The following ZNF385B variants were observed in gnomAD, a reference collection of about 807,000 sequenced individuals.
ZNF385B encodes the protein zinc finger protein 385B, also known as zinc finger protein 533.
Under a neutral mutation model 39.2 loss-of-function variants are expected in ZNF385B, and 23 were observed. That is an observed-to-expected ratio of 0.59 (90% CI 0.42 to 0.83). The LOEUF is 0.83. Among genes scored for constraint, ZNF385B ranks in the 40% least tolerant of loss-of-function variants. ZNF385B has a pLI of 0.00. For missense variants in ZNF385B, 552 were observed against 598.9 expected, an observed-to-expected ratio of 0.92 and a Z score of 0.82; for synonymous variants, 205 against 222.6, an observed-to-expected ratio of 0.92 and a Z score of 0.70.
At chr2:179,626,164 C>A (rs1409248836) in intron 3 of ZNF385B, among the ~76,000 whole-genome samples, 1 of 152,038 alleles carries the variant, frequency 6.6e-6, no homozygotes, top group Non-Finnish European at 1.5e-5. Context: ...AAAACAGTAT[C>A]TTTTCTATGT....
intron 5 of ZNF385B, among the ~76,000 whole-genome samples, chr2:179,487,827 C>T (rs1400821731): frequency 5.3e-5 from 8 of 152,176 alleles, no homozygotes; most frequent in African/African-American, 1.4e-4. Flanking sequence ...TCGCCCAAAC[C>T]ACTACACTGA....
intron 9 of ZNF385B, among the ~76,000 whole-genome samples, chr2:179,444,587 ACTTGTC>A (rs1422068919): frequency 6.6e-6 from 1 of 152,228 alleles, no homozygotes; most frequent in Non-Finnish European, 1.5e-5. Flanking sequence ...CTTAGGCATC[ACTTGTC>A]CTTGTTCTTG....
At chr2:179,816,061 T>G (rs1410082483) in intron 1 of ZNF385B, among the ~76,000 whole-genome samples, 2 of 151,960 alleles carry the variant, frequency 1.3e-5, no homozygotes. Flanking sequence ...TCAGACTCAG[T>G]CAGAACTGCC....
rs78092935 is a variant in ZNF385B at position 179,677,402 on chromosome 2, A to G, written c.298+92101T>C. 8.3e-3 allele frequency among the ~76,000 whole-genome samples: 1,262 copies of G among 152,344 alleles called. 20 individuals are homozygous for G. Among genetic ancestry groups the G allele is most frequent in the African/African-American group, 0.029 (1,216 of 41,582 alleles). ...TTCCCAAACAACAGGAAGTGAAGTT[A>G]AAAGAATGATTCCAGAGAAAATAAT... On this transcript the variant is annotated intron_variant, in intron 3 of 9. Transcript: ENST00000410066.
At chr2:179,792,489 C>T (rs1383880077) in intron 1 of ZNF385B, among the ~76,000 whole-genome samples, 1 of 150,852 alleles carries the variant, frequency 6.6e-6, no homozygotes, top group Non-Finnish European at 1.5e-5. Context: ...ATTCTCCTGT[C>T]TCAGTCTCCT....
chr2:179,824,165 T>C (rs1458673216), intron 1 of ZNF385B, among the ~76,000 whole-genome samples: 5 of 152,164 alleles, frequency 3.3e-5, no homozygotes, highest in Admixed American at 1.3e-4. Flanking sequence ...AGCAGCTCTA[T>C]TGAAATGCTA....
intron 3 of ZNF385B, among the ~76,000 whole-genome samples, chr2:179,573,592 A>G (rs1685476942): frequency 6.6e-6 from 1 of 152,122 alleles, no homozygotes; most frequent in Admixed American, 6.5e-5. Flanking sequence ...GTCTTTTTAA[A>G]AATAAAAAAT....
intron 3 of ZNF385B, among the ~76,000 whole-genome samples, chr2:179,678,761 C>A (rs182392519): frequency 3.0e-4 from 46 of 152,316 alleles, no homozygotes; most frequent in African/African-American, 1.0e-3. Flanking sequence ...CTCTGCCATA[C>A]TCTCTGTTAT....
At chr2:179,678,014 GCT>G (rs1440081315) in intron 3 of ZNF385B, among the ~76,000 whole-genome samples, 1 of 151,998 alleles carries the variant, frequency 6.6e-6, no homozygotes, top group Non-Finnish European at 1.5e-5. Flanking sequence ...GATATAAATA[GCT>G]CTTTTTTTTT....
intron 3 of ZNF385B, among the ~76,000 whole-genome samples, chr2:179,691,098 T>C (rs1277395643): frequency 6.6e-6 from 1 of 152,168 alleles, no homozygotes; most frequent in East Asian, 1.9e-4. Context: ...TTGTTTTTTC[T>C]TTTTAGAAAT....
chr2:179,445,739 A>AAG lies in ZNF385B; in HGVS notation c.962-13_962-12dup. 6.3e-7 allele frequency: 1 copy of AAG among 1,589,340 alleles called. No individual in the cohort carries two copies. Among genetic ancestry groups the AAG allele is most frequent in the Non-Finnish European group, 8.5e-7 (1 of 1,171,292 alleles). On this transcript the variant is annotated splice_polypyrimidine_tract_variant and intron_variant, in intron 7 of 9. Coordinates refer to ENST00000410066, the MANE Select transcript of ZNF385B (RefSeq NM_152520.6). ...TCTTGTGTTTAGATCCTAAGACAGA[A>AAG]AGAGACACATATTAAATAGCTATCC... is the stretch of plus-strand genomic sequence containing the variant.
At chr2:179,790,634 G>T (rs556664077) in intron 1 of ZNF385B, among the ~76,000 whole-genome samples, 31 of 152,186 alleles carry the variant, frequency 2.0e-4, no homozygotes, top group African/African-American at 7.0e-4. Flanking sequence ...CTCCTACTAG[G>T]AACAGGAGAA....
rs143324861 is a variant in ZNF385B at position 179,444,446 on chromosome 2, C to T, written c.1242+430G>A. On this transcript the variant is annotated intron_variant, in intron 9 of 9. Coordinates refer to ENST00000410066, the MANE Select transcript of ZNF385B (RefSeq NM_152520.6). ...GAATGGAGAGAGCACACGATACAGA[C>T]ACCGCTTTACCTTCTCATGCCAAAT... is the stretch of plus-strand genomic sequence containing the variant. Among the ~76,000 whole-genome samples, 345 of 152,288 alleles carry T rather than the reference C, an allele frequency of 2.3e-3. 1 individual carries two copies. Among genetic ancestry groups the T allele is most frequent in the African/African-American group, 7.8e-3 (325 of 41,536 alleles).
chr2:179,545,057 G>T, intron 3 of ZNF385B, 88 bp from the exon 4 acceptor site: 1 of 1,539,802 alleles, frequency 6.5e-7, no homozygotes, highest in Non-Finnish European at 8.9e-7. Context: ...AGTCTGTTGA[G>T]CTGCAACTTG....
rs534173647 is a variant in ZNF385B at position 179,786,423 on chromosome 2, T to A, written c.-154-15751A>T. Among the ~76,000 whole-genome samples the A allele has an allele frequency of 9.3e-4, 141 of 152,290 alleles. 1 individual carries two copies. The highest frequency in any genetic ancestry group is 1.6e-3 in the Non-Finnish European group (106 of 68,008). ...TTTTCCACTTTTTCAATTATGAATA[T>A]CTTTCCATGCATTAAATATTCATGT... On this transcript the variant is annotated intron_variant, in intron 1 of 9. Transcript: ENST00000410066.
intron 3 of ZNF385B, among the ~76,000 whole-genome samples, chr2:179,563,841 T>A (rs552655942): frequency 1.8e-4 from 27 of 152,252 alleles, no homozygotes; most frequent in Admixed American, 3.9e-4. Context: ...CTAAGAAACC[T>A]CTGCTCTGTA....
intron 3 of ZNF385B, among the ~76,000 whole-genome samples, chr2:179,612,836 CA>C (rs1689404019): frequency 6.6e-6 from 1 of 152,208 alleles, no homozygotes; most frequent in Non-Finnish European, 1.5e-5. Flanking sequence ...GAGTTCTCTG[CA>C]GCCCTGGGAA....
At chr2:179,774,361 C>CT (rs140710524) in intron 1 of ZNF385B, among the ~76,000 whole-genome samples, 5,090 of 150,022 alleles carry the variant, frequency 0.034, 112 homozygotes, top group Middle Eastern at 0.059. Flanking sequence ...TCAATGTTTT[C>CT]TTTTTTTTGT....
chr2:179,449,983 C>G (rs1574184203), intron 6 of ZNF385B, among the ~76,000 whole-genome samples: 1 of 151,942 alleles, frequency 6.6e-6, no homozygotes, highest in South Asian at 2.1e-4. Flanking sequence ...ACAAACCTGA[C>G]AAAAACAAGA....
Sources: gnomAD v4.1 joint callset for allele counts (sites outside exome capture counted in the v4.1 genomes callset) on GRCh38, gnomAD v4.1.1 for gene constraint, MANE v1.5 for transcripts, NCBI Gene and HGNC (gene_info 2026-07-23, HGNC 2026-07-21) for gene names.